ALDH1B1: variants seen among roughly 807,000 people sequenced by gnomAD.
The protein encoded by ALDH1B1 is aldehyde dehydrogenase 1 family member B1, also known as aldehyde dehydrogenase family 1 member B1, mitochondrial.
ALDH1B1 carries 19 observed loss-of-function variants against 26.2 expected under a neutral mutation model. The ratio of observed to expected loss-of-function variants is 0.72; its 90% confidence interval spans 0.51 to 1.06. The LOEUF is 1.06. Among genes scored for constraint, ALDH1B1 ranks in the 50% least tolerant of loss-of-function variants. The pLI, the probability that ALDH1B1 is intolerant of heterozygous loss-of-function variation, is 0.00. For missense variants in ALDH1B1, 671 were observed against 683.1 expected (o/e 0.98, Z 0.20); for synonymous variants, 249 against 286.0 (o/e 0.87, Z 1.31).
At chr9:38,395,357 AC>A (rs769347830) in intron 1 of ALDH1B1, among the ~76,000 whole-genome samples, 3 of 152,202 alleles carry the variant, frequency 2.0e-5, no homozygotes, top group Non-Finnish European at 4.4e-5. Context: ...CTTGCATTTT[AC>A]TGGGGGGAGA....
chr9:38,395,450 G>A (rs1431333590), intron 1 of ALDH1B1, among the ~76,000 whole-genome samples: 3 of 152,202 alleles, frequency 2.0e-5, no homozygotes, highest in African/African-American at 7.2e-5. Context: ...GGGATAGAGA[G>A]TGTTGGGGTG....
intron 1 of ALDH1B1, chr9:38,394,522 C>A: frequency 1.1e-6 from 1 of 888,980 alleles, no homozygotes; most frequent in Non-Finnish European, 1.3e-6. Flanking sequence ...AAACTCCTGG[C>A]CTCAAGCAGT....
In ALDH1B1 at chr9:38,395,916, G is replaced by T; in HGVS notation, c.168G>T (p.Thr56=). The T allele has an allele frequency of 6.2e-7, 1 of 1,613,856 alleles. No individual in the cohort carries two copies. The highest frequency in any genetic ancestry group is 8.5e-7 in the Non-Finnish European group (1 of 1,180,024). ...QDAVSKKTFP[T]VNPTTGEVIG... ...CAGTCAGCAAGAAGACCTTCCCGAC[G>T]GTCAACCCTACCACCGGGGAGGTCA... Residue 56 remains threonine (T), a synonymous_variant, in exon 2 of 2, where the codon ACG becomes ACT. Coordinates refer to ENST00000377698, the MANE Select transcript of ALDH1B1 (RefSeq NM_000692.5).
In ALDH1B1 at chr9:38,396,936, C is replaced by T; in HGVS notation, c.1188C>T (p.Phe396=). Residue 396 remains phenylalanine (F), a synonymous_variant, in exon 2 of 2, where the codon TTC becomes TTT. Transcript: ENST00000377698. The stretch of plus-strand genomic sequence containing the variant: ...GAGAGCGTTTCGGGGAGCGTGGTTT[C>T]TTCATCAAGCCTACTGTCTTTGGTG... ...CGGERFGERG[F]FIKPTVFGGV... 1 of 1,614,158 alleles carries T rather than the reference C, an allele frequency of 6.2e-7. No individual in the cohort carries two copies. The highest frequency in any genetic ancestry group is 8.5e-7 in the Non-Finnish European group (1 of 1,180,028).
chr9:38,393,851 G>A (rs571821332), intron 1 of ALDH1B1, among the ~76,000 whole-genome samples: 1 of 117,568 alleles, frequency 8.5e-6, no homozygotes, highest in Non-Finnish European at 1.8e-5. Flanking sequence ...TCTCCTTTTT[G>A]CCTTTGTTAG....
In ALDH1B1 at chr9:38,396,862, G is replaced by C; in HGVS notation, c.1114G>C (p.Gly372Arg). 6.2e-7 allele frequency: 1 copy of C among 1,614,232 alleles called. No individual in the cohort carries two copies. Among genetic ancestry groups the C allele is most frequent in the South Asian group, 1.1e-5 (1 of 91,084 alleles). The part of the protein sequence containing the change: ...VDKEQFERVL[G>R]YIQLGQKEGA... ...CAAGGAGCAGTTTGAACGAGTCCTA[G>C]GCTACATCCAGCTTGGCCAGAAGGA... Residue 372 changes from glycine (G) to arginine (R), a missense_variant, in exon 2 of 2, where the codon GGC (glycine) becomes CGC (arginine). Physicochemically the swap from Gly to Arg is moderately radical, Grantham distance 125. Coordinates refer to ENST00000377698, the MANE Select transcript of ALDH1B1 (RefSeq NM_000692.5).
intron 1 of ALDH1B1, among the ~76,000 whole-genome samples, chr9:38,395,468 T>C (rs1821260301): frequency 6.6e-6 from 1 of 151,280 alleles, no homozygotes; most frequent in Non-Finnish European, 1.5e-5. Flanking sequence ...GTGGGAAGGG[T>C]TGCAATTTTT....
rs538119685 is a variant in ALDH1B1 at position 38,395,817 on chromosome 9, A to G, written c.69A>G (p.Ala23=). 6.2e-7 allele frequency: 1 copy of G among 1,612,890 alleles called. No individual in the cohort carries two copies. The highest frequency in any genetic ancestry group is 2.2e-5 in the East Asian group (1 of 44,876). ...GGACCGCCCGCTACTCCTCGGCAGC[A>G]GCCCTCCCAAGCCCCATTCTGAACC... ...QGRTARYSSA[A]ALPSPILNPD... The change falls in exon 2 of 2, where the codon GCA becomes GCG. Residue 23 remains alanine (A), a synonymous_variant. Coordinates refer to ENST00000377698, the MANE Select transcript of ALDH1B1 (RefSeq NM_000692.5).
At chr9:38,393,748 C>G (rs12378961) in intron 1 of ALDH1B1, among the ~76,000 whole-genome samples, 8,322 of 152,282 alleles carry the variant, frequency 0.055, 326 homozygotes, top group Admixed American at 0.12. Flanking sequence ...CTCAGCTTCC[C>G]CCTGTGGGAT....
In ALDH1B1 at chr9:38,397,349, C is replaced by G; in HGVS notation, c.*47C>G. On this transcript the variant is annotated 3_prime_UTR_variant, in exon 2 of 2. Transcript: ENST00000377698. Reference sequence around the variant, plus strand: ...AGTCACAGTCCAGCAATTCCACAACCACCTTGACGAATGCTTGCCAAGCTG... The same window carrying G: ...AGTCACAGTCCAGCAATTCCACAACGACCTTGACGAATGCTTGCCAAGCTG... 6.5e-7 allele frequency: 1 copy of G among 1,549,466 alleles called. No individual in the cohort carries two copies. Among genetic ancestry groups the G allele is most frequent in the Non-Finnish European group, 8.7e-7 (1 of 1,146,802 alleles).
chr9:38,397,520 G>A lies in ALDH1B1; in HGVS notation c.*218G>A. ...TCTACCTATCTAACCCCCAACCACA[G>A]CCCCCTTGGTGGCCCATGAGTTGCT... On this transcript the variant is annotated 3_prime_UTR_variant, in exon 2 of 2. Coordinates refer to ENST00000377698, the MANE Select transcript of ALDH1B1 (RefSeq NM_000692.5). 1.5e-6 allele frequency: 1 copy of A among 652,980 alleles called. No homozygotes were observed. Among genetic ancestry groups the A allele is most frequent in the South Asian group, 2.6e-5 (1 of 37,752 alleles). The allele number at this position is 652,980 out of a possible 1,614,324, so 40.4% of individuals were successfully genotyped here. A position where few individuals can be genotyped will look rare whatever the true frequency, so the allele number is the denominator to read the frequency against.
Position 38,398,553 on chromosome 9 carries a change from G to C in ALDH1B1, c.*1251G>C, listed in dbSNP as rs1289285371. 2.5e-5 allele frequency: 4 copies of C among 160,342 alleles called. No individual in the cohort carries two copies. Among genetic ancestry groups the C allele is most frequent in the Non-Finnish European group, 5.9e-5 (4 of 68,090 alleles). 9.9% of individuals were successfully genotyped at this position (160,342 alleles called of 1,614,324 possible). ...TGATCTTGAACTCCTGACCTCAGGT[G>C]ATCCACCCGCCTCAGCCTCCCAAAG... On this transcript the variant is annotated 3_prime_UTR_variant, in exon 2 of 2. Transcript: ENST00000377698.
intron 1 of ALDH1B1, 52 bp from the exon 2 acceptor site, chr9:38,395,688 G>A (rs1009385257): frequency 1.7e-5 from 26 of 1,516,546 alleles, no homozygotes; most frequent in Middle Eastern, 1.8e-4. Flanking sequence ...CTTGGGTACC[G>A]CCACCTGCCT....
chr9:38,395,511 A>G (rs1188710995), intron 1 of ALDH1B1, among the ~76,000 whole-genome samples: 1 of 152,178 alleles, frequency 6.6e-6, no homozygotes, highest in African/African-American at 2.4e-5. Flanking sequence ...TTGCTGAGAC[A>G]GTGGCTTTTG....
At chr9:38,394,612 T>G (rs1587403616) in intron 1 of ALDH1B1, 1 of 985,446 alleles carries the variant, frequency 1.0e-6, no homozygotes, top group East Asian at 1.1e-4. Context: ...GCCGGGGACC[T>G]ACATGGAGCC....
At chr9:38,392,991 C>T (rs1451201990) in intron 1 of ALDH1B1, among the ~76,000 whole-genome samples, 184 bp downstream of exon 1, 2 of 152,194 alleles carry the variant, frequency 1.3e-5, no homozygotes, top group Non-Finnish European at 2.9e-5. Flanking sequence ...TACAGGAGCC[C>T]CGAGGACACA....
rs572905510 is a variant in ALDH1B1 at position 38,397,009 on chromosome 9, G to T, written c.1261G>T (p.Val421Leu). ...RIAKEEIFGP[V>L]QPLFKFKKIE... ...TGCCAAAGAGGAGATCTTTGGGCCT[G>T]TGCAGCCCCTGTTCAAGTTCAAGAA... is the stretch of plus-strand genomic sequence containing the variant. Residue 421 changes from valine to leucine, a missense_variant, in exon 2 of 2, where the codon GTG (valine) becomes TTG (leucine). Physicochemically the swap from Val to Leu is conservative, Grantham distance 32. Transcript: ENST00000377698. 15 of 1,614,178 alleles carry T rather than the reference G, an allele frequency of 9.3e-6. No homozygotes were observed. The highest frequency in any genetic ancestry group is 1.3e-5 in the Non-Finnish European group (15 of 1,180,018).
chr9:38,393,327 T>G (rs1254261363), intron 1 of ALDH1B1, among the ~76,000 whole-genome samples: 2 of 152,228 alleles, frequency 1.3e-5, no homozygotes, highest in Non-Finnish European at 1.5e-5. Flanking sequence ...ATGCCCAGCC[T>G]TCTTCCAGAA....
intron 1 of ALDH1B1, among the ~76,000 whole-genome samples, chr9:38,394,720 C>T (rs115937932): frequency 0.033 from 4,979 of 152,202 alleles, 273 homozygotes; most frequent in African/African-American, 0.11. Context: ...TCCATTTTAC[C>T]GCTGGGCGGA....
Sources: allele counts gnomAD v4.1 joint callset (sites outside exome capture counted in the v4.1 genomes callset), GRCh38; gene constraint gnomAD v4.1.1; transcripts MANE v1.5; gene names NCBI Gene and HGNC (gene_info 2026-07-23, HGNC 2026-07-21).